DMD: variants seen among roughly 807,000 people sequenced by gnomAD.
DMD encodes dystrophin.
Under a neutral mutation model 330.1 loss-of-function variants are expected in DMD, and 63 were observed. That is an observed-to-expected ratio of 0.19 (90% CI 0.16 to 0.24). DMD has a LOEUF of 0.24. DMD is among the 10% of genes least tolerant of loss of function. The pLI is 1.00. For synonymous variants in DMD, 1,223 were observed against 959.8 expected, an observed-to-expected ratio of 1.27 and a Z score of -5.07; for missense variants, 3,344 against 2,684.1, an observed-to-expected ratio of 1.25 and a Z score of -5.43.
intron 41 of DMD, among the ~76,000 whole-genome samples, chrX:32,336,513 T>C (rs746688537): frequency 8.9e-6 from 1 of 112,141 alleles, no homozygotes; most frequent in African/African-American, 3.2e-5. Context: ...ATTCATCTTT[T>C]ACCACCTCAC....
chrX:32,641,407 C>CATATATATATATAT (rs1569366795), intron 11 of DMD: 120 of 63,170 alleles, frequency 1.9e-3, no homozygotes, highest in African/African-American at 7.4e-3. Flanking sequence ...GTATTTTATA[C>CATATATATATATAT]GTATATATAT....
intron 67 of DMD, among the ~76,000 whole-genome samples, chrX:31,199,162 C>T (rs1286174312): frequency 1.8e-5 from 2 of 111,996 alleles, no homozygotes; most frequent in East Asian, 2.8e-4. Flanking sequence ...CCAGGGCAGG[C>T]TTGGCCTTAC....
chrX:33,152,467 C>T (rs1024499584), intron 1 of DMD, among the ~76,000 whole-genome samples: 1 of 111,099 alleles, frequency 9.0e-6, no homozygotes, highest in South Asian at 3.8e-4. Flanking sequence ...AGCCACTGTA[C>T]CTGGCCAGCT....
intron 16 of DMD, among the ~76,000 whole-genome samples, chrX:32,557,619 G>A (rs1323842589): frequency 8.9e-6 from 1 of 111,799 alleles, no homozygotes; most frequent in Non-Finnish European, 1.9e-5. Context: ...AACAGCTTTA[G>A]ATAATAATTG....
chrX:31,949,570 A>T (rs747702759), intron 45 of DMD, among the ~76,000 whole-genome samples: 5 of 111,262 alleles, frequency 4.5e-5, no homozygotes, highest in Non-Finnish European at 9.5e-5. Context: ...ACAGGATTGT[A>T]TTGTCTGTGA....
At chrX:32,630,178 A>G in intron 11 of DMD, among the ~76,000 whole-genome samples, 1 of 111,780 alleles carries the variant, frequency 8.9e-6, no homozygotes, top group Middle Eastern at 4.6e-3. Flanking sequence ...TTCTCCTTCA[A>G]GTATGAAGAG....
intron 62 of DMD, among the ~76,000 whole-genome samples, chrX:31,320,891 A>G (rs1171847114): frequency 1.8e-5 from 2 of 111,428 alleles, no homozygotes; most frequent in African/African-American, 6.5e-5. Context: ...GGAACTGATT[A>G]TTTCAGAGGC....
chrX:31,606,886 C>T (rs1569554393), intron 55 of DMD, among the ~76,000 whole-genome samples: 1 of 111,768 alleles, frequency 8.9e-6, no homozygotes, highest in Non-Finnish European at 1.9e-5. Flanking sequence ...GTATATAAAT[C>T]TCTGGAAGAG....
chrX:33,013,333 C>T (rs1237282799), intron 2 of DMD, among the ~76,000 whole-genome samples: 1 of 111,048 alleles, frequency 9.0e-6, no homozygotes, highest in African/African-American at 3.3e-5. Flanking sequence ...CAAAAAGTTC[C>T]CAATCCTCAC....
chrX:31,977,537 C>T (rs1334496235), intron 44 of DMD, among the ~76,000 whole-genome samples: 1 of 110,923 alleles, frequency 9.0e-6, no homozygotes, highest in Non-Finnish European at 1.9e-5. Flanking sequence ...CATCAACTAA[C>T]AATCCACATC....
At chrX:33,196,237 A>G (rs1293438794) in intron 1 of DMD, among the ~76,000 whole-genome samples, 1 of 111,845 alleles carries the variant, frequency 8.9e-6, no homozygotes, top group Non-Finnish European at 1.9e-5. Context: ...ACATGAACCA[A>G]AGTTATTTTA....
chrX:33,215,481 A>G (rs190507844), upstream of DMD, among the ~76,000 whole-genome samples: 63 of 111,431 alleles, frequency 5.7e-4, no homozygotes, highest in East Asian at 0.014. Context: ...TCGTCTGTTT[A>G]CTTTGTTGAT....
At chrX:32,940,240 A>C (rs2090313295) in intron 2 of DMD, among the ~76,000 whole-genome samples, 1 of 112,114 alleles carries the variant, frequency 8.9e-6, no homozygotes, top group South Asian at 3.7e-4. Flanking sequence ...ACTGTATTGT[A>C]TACTTGAAAT....
intron 11 of DMD, among the ~76,000 whole-genome samples, chrX:32,622,415 G>A (rs1027516443): frequency 9.0e-6 from 1 of 111,700 alleles, no homozygotes; most frequent in African/African-American, 3.3e-5. Context: ...CTAGATATTA[G>A]CAAATAGTAG....
At chrX:32,400,605 G>C (rs1408307617) in intron 30 of DMD, among the ~76,000 whole-genome samples, 1 of 110,545 alleles carries the variant, frequency 9.0e-6, no homozygotes, top group Non-Finnish European at 1.9e-5. Context: ...GGCCATCAGA[G>C]AAATGCAAAT....
chrX:33,057,861 A>G (rs2148103), intron 1 of DMD, among the ~76,000 whole-genome samples: 31,046 of 110,003 alleles, frequency 0.28, 3,528 homozygotes, highest in East Asian at 0.71. Context: ...GATATACCCA[A>G]TTTTTGTTTT....
At chrX:32,390,442 C>T (rs1312184873) in intron 30 of DMD, among the ~76,000 whole-genome samples, 1 of 109,133 alleles carries the variant, frequency 9.2e-6, no homozygotes, top group Non-Finnish European at 1.9e-5. Context: ...TATTTCTTCC[C>T]TATGGGATTA....
chrX:31,889,645 T>TCACACACA (rs1335260703), intron 47 of DMD, among the ~76,000 whole-genome samples: 1 of 67,621 alleles, frequency 1.5e-5, no homozygotes, highest in African/African-American at 6.3e-5. Flanking sequence ...TCTCTCTCTC[T>TCACACACA]CTCACACACA....
chrX:32,491,442 T>G lies in DMD; in HGVS notation c.2457A>C (p.Leu819=), dbSNP rs72468680. Residue 819 remains leucine (L), a synonymous_variant, in exon 20 of 79, where the codon CTA becomes CTC. Transcript: ENST00000357033. ...NSRWIEFCQL[L]SERLNWLEYQ... ...ACTCCAGCCAGTTAAGTCTCTCACTTAGCAACTGGCAGAATTCGATCCACC... is the reference window on the plus strand; with the variant it reads ...ACTCCAGCCAGTTAAGTCTCTCACTGAGCAACTGGCAGAATTCGATCCACC... 595 of 1,209,364 alleles carry G rather than the reference T, an allele frequency of 4.9e-4. No individual in the cohort carries two copies. Among genetic ancestry groups the G allele is most frequent in the Non-Finnish European group, 6.2e-4 (559 of 894,772 alleles).
Sources: gnomAD v4.1 joint callset for allele counts (sites outside exome capture counted in the v4.1 genomes callset) on GRCh38, gnomAD v4.1.1 for gene constraint, MANE v1.5 for transcripts, NCBI Gene and HGNC (gene_info 2026-07-23, HGNC 2026-07-21) for gene names.